The following GFRAL variants were observed in gnomAD, a reference collection of about 807,000 sequenced individuals.
GFRAL encodes the protein GDNF family receptor alpha-like.
A neutral mutation model predicts 45.4 loss-of-function variants in GFRAL; 36 were observed. The observed-to-expected ratio is 0.79, with a 90% CI of 0.61 to 1.05. The LOEUF is 1.05. Among genes scored for constraint, GFRAL ranks in the 50% least tolerant of loss-of-function variants. The probability of loss-of-function intolerance (pLI) is 0.00; values close to 1 mark genes in which losing one functional copy is unlikely to be tolerated. For synonymous variants in GFRAL, 166 were observed against 154.1 expected, an observed-to-expected ratio of 1.08 and a Z score of -0.57; for missense variants, 507 against 467.5, an observed-to-expected ratio of 1.08 and a Z score of -0.78.
intron 6 of GFRAL, among the ~76,000 whole-genome samples, chr6:55,382,687 A>G (rs190233327): frequency 2.6e-5 from 4 of 151,998 alleles, no homozygotes; most frequent in East Asian, 1.9e-4. Flanking sequence ...GAGCACAGCC[A>G]TAGAGAGGCA....
At chr6:55,345,663 A>G (rs1768031130) in intron 3 of GFRAL, among the ~76,000 whole-genome samples, 2 of 152,110 alleles carry the variant, frequency 1.3e-5, no homozygotes, top group South Asian at 4.1e-4. Context: ...AATACCAAAA[A>G]CAATGGCAAC....
rs1456388929 is a variant in GFRAL, at chr6:55,381,220, C to T, written c.953-17960C>T. 3.3e-5 allele frequency among the ~76,000 whole-genome samples: 5 copies of T among 151,866 alleles called. No homozygotes were observed. In the East Asian group the frequency reaches 9.7e-4, roughly 29 times the overall value. On this transcript the variant is annotated intron_variant, in intron 6 of 8. Coordinates refer to ENST00000340465, the MANE Select transcript of GFRAL (RefSeq NM_207410.2). ...CAGAAGATTGTTCCCAACTGATTTC[C>T]AGAACCAGCTGGCTTTTGTGAAATA...
At chr6:55,392,423 G>A (rs1229949987) in intron 6 of GFRAL, among the ~76,000 whole-genome samples, 1 of 152,140 alleles carries the variant, frequency 6.6e-6, no homozygotes, top group African/African-American at 2.4e-5. Flanking sequence ...ATTGTTATGT[G>A]GACATTTACA....
At chr6:55,360,962 T>C (rs1768266850) in intron 6 of GFRAL, among the ~76,000 whole-genome samples, 1 of 152,000 alleles carries the variant, frequency 6.6e-6, no homozygotes, top group African/African-American at 2.4e-5. Flanking sequence ...CTAATTCTAG[T>C]TCTAAACATG....
chr6:55,358,911 C>T lies in GFRAL; in HGVS notation c.725C>T (p.Ser242Leu). ...AGGAGGCACTATAGAACATTTCAGT[C>T]AAAATGCTGGCAGCGTGTGACTAGA... The part of the protein sequence containing the change: ...LCRRHYRTFQ[S>L]KCWQRVTRKC... Residue 242 changes from serine (S) to leucine (L), a missense_variant, in exon 6 of 9, where the codon TCA (serine) becomes TTA (leucine). By Grantham distance (145) the Ser-to-Leu change is moderately radical. Transcript: ENST00000340465. 6.2e-7 allele frequency: 1 copy of T among 1,612,464 alleles called. No individual in the cohort carries two copies.
intron 4 of GFRAL, among the ~76,000 whole-genome samples, chr6:55,350,626 A>G (rs1335981289): frequency 6.6e-6 from 1 of 152,126 alleles, no homozygotes; most frequent in Non-Finnish European, 1.5e-5. Context: ...ACTTGAGCCC[A>G]GGAGTTGGAG....
At chr6:55,338,104 A>G (rs1158011766) in intron 3 of GFRAL, among the ~76,000 whole-genome samples, 1 of 151,766 alleles carries the variant, frequency 6.6e-6, no homozygotes, top group Non-Finnish European at 1.5e-5. Context: ...TTATTATTAT[A>G]TTTTGAGGCA....
intron 3 of GFRAL, among the ~76,000 whole-genome samples, chr6:55,335,363 A>C (rs1581898623): frequency 2.0e-5 from 3 of 152,166 alleles, no homozygotes; most frequent in South Asian, 4.1e-4. Context: ...CAAGTTGAAT[A>C]GATTTTTTTT....
intron 5 of GFRAL, among the ~76,000 whole-genome samples, chr6:55,357,138 G>A (rs374107917): frequency 5.3e-5 from 8 of 151,836 alleles, no homozygotes; most frequent in South Asian, 4.1e-4. Flanking sequence ...AACGATCTGC[G>A]TGCTGAGGAG....
At chr6:55,327,993 A>C (rs1318082121) in intron 1 of GFRAL, among the ~76,000 whole-genome samples, 3 of 152,166 alleles carry the variant, frequency 2.0e-5, no homozygotes, top group East Asian at 3.9e-4. Context: ...CTTTGAAATT[A>C]AACAAAAATA....
chr6:55,342,843 A>C (rs993736037), intron 3 of GFRAL, among the ~76,000 whole-genome samples: 40 of 152,144 alleles, frequency 2.6e-4, no homozygotes, highest in South Asian at 4.1e-4. Context: ...TCTACCAAGC[A>C]AATGGAAAAC....
intron 8 of GFRAL, among the ~76,000 whole-genome samples, chr6:55,401,420 C>T (rs555685370): frequency 6.6e-6 from 1 of 152,288 alleles, no homozygotes; most frequent in South Asian, 2.1e-4. Flanking sequence ...TGTTCACTCA[C>T]CTGATGGTCA....
intron 6 of GFRAL, among the ~76,000 whole-genome samples, chr6:55,370,959 C>A (rs141808767): frequency 1.1e-3 from 170 of 152,302 alleles, no homozygotes; most frequent in African/African-American, 3.9e-3. Flanking sequence ...TTCTCAGCTG[C>A]CTGCTCCCCA....
intron 3 of GFRAL, among the ~76,000 whole-genome samples, chr6:55,346,553 G>A (rs1376213930): frequency 6.6e-6 from 1 of 151,974 alleles, no homozygotes; most frequent in East Asian, 1.9e-4. Context: ...GGGGTGGTAG[G>A]AGGGGGGAGG....
intron 6 of GFRAL, among the ~76,000 whole-genome samples, chr6:55,363,684 G>A (rs557842036): frequency 6.7e-6 from 1 of 148,222 alleles, no homozygotes; most frequent in Non-Finnish European, 1.5e-5. Flanking sequence ...GAGAATATGC[G>A]GTGTTTGGTT....
At chr6:55,362,946 AAGG>A (rs1768297236) in intron 6 of GFRAL, among the ~76,000 whole-genome samples, 2 of 150,180 alleles carry the variant, frequency 1.3e-5, no homozygotes, top group African/African-American at 2.4e-5. Flanking sequence ...GGAGGAGAGA[AAGG>A]AGAGGAGGAG....
chr6:55,335,265 A>G (rs1292029100), intron 3 of GFRAL, among the ~76,000 whole-genome samples: 2 of 152,128 alleles, frequency 1.3e-5, no homozygotes, highest in Non-Finnish European at 2.9e-5. Flanking sequence ...CTATCTGTCT[A>G]TCTTATTTGG....
At chr6:55,367,717 A>T (rs1233578953) in intron 6 of GFRAL, among the ~76,000 whole-genome samples, 1 of 149,954 alleles carries the variant, frequency 6.7e-6, no homozygotes, top group East Asian at 1.9e-4. Flanking sequence ...GTTTGGCTGG[A>T]TATGAAATTC....
chr6:55,349,977 T>G, intron 3 of GFRAL, 115 bp from the exon 4 acceptor site: 1 of 693,644 alleles, frequency 1.4e-6, no homozygotes. Flanking sequence ...TAACCTTGTA[T>G]GTACTTTTGC....
Sources: allele counts gnomAD v4.1 joint callset (sites outside exome capture counted in the v4.1 genomes callset), GRCh38; gene constraint gnomAD v4.1.1; transcripts MANE v1.5; gene names NCBI Gene and HGNC (gene_info 2026-07-23, HGNC 2026-07-21).